Variants in KIRREL1 observed in about 807,000 individuals in gnomAD.
KIRREL1 encodes the protein kirre like nephrin family adhesion molecule 1.
In KIRREL1, 25 loss-of-function variants were observed where a neutral mutation model predicts 83.3. The ratio of observed to expected loss-of-function variants is 0.30; its 90% CI spans 0.22 to 0.42. The LOEUF (loss-of-function observed/expected upper bound fraction) is 0.42. Among genes scored for constraint, KIRREL1 ranks in the 10% least tolerant of loss-of-function variants. KIRREL1 has a pLI of 1.00. For synonymous variants in KIRREL1, 388 were observed against 410.4 expected (o/e 0.95, Z 0.66); for missense variants, 812 against 1,032.3 (o/e 0.79, Z 2.92).
intron 1 of KIRREL1, among the ~76,000 whole-genome samples, chr1:158,030,065 A>T (rs1385219833): frequency 1.3e-5 from 2 of 152,090 alleles, no homozygotes; most frequent in East Asian, 3.9e-4. Flanking sequence ...AGGGTTTTTG[A>T]TTTTTATTTC....
chr1:158,039,253 G>A (rs968672231), intron 1 of KIRREL1, among the ~76,000 whole-genome samples: 4 of 152,202 alleles, frequency 2.6e-5, no homozygotes, highest in Non-Finnish European at 2.9e-5. Flanking sequence ...ACGAAGAGGA[G>A]CCCTGACTGC....
chr1:158,009,408 G>C, intron 1 of KIRREL1, among the ~76,000 whole-genome samples: 1 of 152,232 alleles, frequency 6.6e-6, no homozygotes. Context: ...ACTGGTGACA[G>C]TATATGCAAA....
chr1:158,033,676 C>T (rs1232396168), intron 1 of KIRREL1, among the ~76,000 whole-genome samples: 1 of 152,110 alleles, frequency 6.6e-6, no homozygotes, highest in Admixed American at 6.6e-5. Context: ...GCTAACATTT[C>T]AAAGATAGAA....
At position 158,096,325 on chromosome 1, in the gene KIRREL1, C is replaced by A. The variant is rs1662354313; in HGVS notation, c.*1205C>A. The stretch of plus-strand genomic sequence containing the variant: ...TATGTCCCATCAGTTGGTTGGAGGC[C>A]ACCTTCCAGGGGGTATGGGAGACAG... On this transcript the variant is annotated 3_prime_UTR_variant, in exon 15 of 15. Transcript: ENST00000359209. The A allele has an allele frequency of 5.8e-6, 2 of 346,986 alleles. No individual in the cohort carries two copies. Among genetic ancestry groups the A allele is most frequent in the African/African-American group, 2.1e-5 (1 of 46,536 alleles). The allele number at this position is 346,986 out of a possible 1,614,324, so 21.5% of individuals were successfully genotyped here.
chr1:158,065,014 G>A (rs564902351), intron 1 of KIRREL1, among the ~76,000 whole-genome samples: 2 of 149,822 alleles, frequency 1.3e-5, no homozygotes, highest in East Asian at 4.0e-4. Flanking sequence ...GCATAGAAAT[G>A]TAATAAAGCT....
At chr1:158,057,916 CCTT>C (rs1661109442) in intron 1 of KIRREL1, among the ~76,000 whole-genome samples, 1 of 152,214 alleles carries the variant, frequency 6.6e-6, no homozygotes, top group South Asian at 2.1e-4. Flanking sequence ...CTTTCTCTAA[CCTT>C]CTTTGATGAC....
intron 1 of KIRREL1, among the ~76,000 whole-genome samples, chr1:158,032,984 A>G (rs921396013): frequency 1.4e-4 from 22 of 151,800 alleles, no homozygotes; most frequent in Admixed American, 1.4e-3. Context: ...TTGGCCAGGC[A>G]GGTCTCGAAC....
chr1:158,037,343 A>C (rs1660505151), intron 1 of KIRREL1, among the ~76,000 whole-genome samples: 1 of 152,098 alleles, frequency 6.6e-6, no homozygotes. Context: ...AAATACAAAA[A>C]TTAGCTGGGC....
chr1:158,096,443 C>A lies in KIRREL1; in HGVS notation c.*1323C>A, dbSNP rs114092836. On this transcript the variant is annotated 3_prime_UTR_variant, in exon 15 of 15. Coordinates refer to ENST00000359209, the MANE Select transcript of KIRREL1 (RefSeq NM_018240.7). ...CCTTGAGTGTCAAGCTTTGGATGAC[C>A]GACCCTATGTGGGCGGTTGTGTGGG... 2 of 371,038 alleles carry A rather than the reference C, an allele frequency of 5.4e-6. No individual in the cohort carries two copies. The highest frequency in any genetic ancestry group is 4.0e-5 in the South Asian group (2 of 49,748). 23.0% of individuals were successfully genotyped at this position (371,038 alleles called of 1,614,324 possible).
chr1:158,007,051 A>G (rs2101629793), intron 1 of KIRREL1, among the ~76,000 whole-genome samples: 1 of 152,184 alleles, frequency 6.6e-6, no homozygotes, highest in Non-Finnish European at 1.5e-5. Context: ...CTGATGAAGG[A>G]GTGTGGGCAT....
Position 158,093,438 on chromosome 1 carries a change from G to A in KIRREL1, c.1571G>A (p.Arg524His), listed in dbSNP as rs754743295. The A allele has an allele frequency of 1.9e-5, 30 of 1,613,908 alleles. No homozygotes were observed. The highest frequency in any genetic ancestry group is 5.0e-5 in the Admixed American group (3 of 59,998). The change falls in exon 12 of 15, where the codon CGC becomes CAC. Residue 524 changes from arginine to histidine, a missense_variant. Coordinates refer to ENST00000359209, the MANE Select transcript of KIRREL1 (RefSeq NM_018240.7). Reference sequence around the variant, plus strand: ...TTGGTATTCTTCCTCTACCGGCGCCGCAAAGGCAGTGAGTATGGGCCCTGT... The same window carrying A: ...TTGGTATTCTTCCTCTACCGGCGCCACAAAGGCAGTGAGTATGGGCCCTGT... ...IALVFFLYRR[R>H]KGSRKDVTLR... is the part of the protein sequence containing the mutation.
intron 1 of KIRREL1, among the ~76,000 whole-genome samples, chr1:158,060,448 T>C (rs1661184876): frequency 6.6e-6 from 1 of 152,196 alleles, no homozygotes; most frequent in Admixed American, 6.5e-5. Flanking sequence ...GTTCTGCTTA[T>C]TACTCTCTCT....
At chr1:158,016,229 T>C (rs7514059) in intron 1 of KIRREL1, among the ~76,000 whole-genome samples, 8 of 151,716 alleles carry the variant, frequency 5.3e-5, no homozygotes, top group Non-Finnish European at 8.8e-5. Context: ...TTGTGAACCC[T>C]GTAGGCAGAG....
intron 1 of KIRREL1, among the ~76,000 whole-genome samples, chr1:157,998,388 AT>A (rs1379716884): frequency 6.6e-6 from 1 of 152,222 alleles, no homozygotes; most frequent in Non-Finnish European, 1.5e-5. Flanking sequence ...TTAAAAAACA[AT>A]CCTTTATTCT....
intron 6 of KIRREL1, 62 bp from the exon 7 acceptor site, chr1:158,087,944 T>G: frequency 6.2e-7 from 1 of 1,610,114 alleles, no homozygotes; most frequent in Non-Finnish European, 8.5e-7. Flanking sequence ...AGGCCAGGTG[T>G]CATGGATGTA....
chr1:158,078,091 G>A lies in KIRREL1; in HGVS notation c.303G>A (p.Gln101=). The A allele has an allele frequency of 6.2e-7, 1 of 1,614,124 alleles. No homozygotes were observed. Among genetic ancestry groups the A allele is most frequent in the Non-Finnish European group, 8.5e-7 (1 of 1,180,022 alleles). The change falls in exon 3 of 15, where the codon CAG becomes CAA. Residue 101 remains glutamine, a synonymous_variant. Transcript: ENST00000359209. The part of the protein sequence containing the change: ...ELSDDASYEC[Q]ATEAALRSRR... ...CTGACGACGCCTCTTACGAGTGCCA[G>A]GCCACGGAGGCCGCCCTGCGCTCTC...
chr1:158,073,723 C>A (rs1661587055), intron 1 of KIRREL1, among the ~76,000 whole-genome samples: 1 of 152,192 alleles, frequency 6.6e-6, no homozygotes, highest in Non-Finnish European at 1.5e-5. Flanking sequence ...TTGACACACC[C>A]AAGGTCACAC....
chr1:158,099,475 GAT>G lies in KIRREL1; in HGVS notation c.*4356_*4357del, dbSNP rs925463394. 5 of 152,220 alleles carry G rather than the reference GAT, an allele frequency of 3.3e-5. No homozygotes were observed. Among genetic ancestry groups the G allele is most frequent in the Non-Finnish European group, 7.3e-5 (5 of 68,066 alleles). 9.4% of individuals were successfully genotyped at this position (152,220 alleles called of 1,614,324 possible). Reference sequence around the variant, plus strand: ...TCTGGGCTGCTGGAGAGGACTGAGAGATGTGTGGTTTGGTAGGAAGGGGGTGT... The same window carrying G: ...TCTGGGCTGCTGGAGAGGACTGAGAGGTGTGGTTTGGTAGGAAGGGGGTGT... On this transcript the variant is annotated 3_prime_UTR_variant, in exon 15 of 15. Coordinates refer to ENST00000359209, the MANE Select transcript of KIRREL1 (RefSeq NM_018240.7).
At chr1:158,054,425 T>A (rs190402383) in intron 1 of KIRREL1, among the ~76,000 whole-genome samples, 2 of 152,158 alleles carry the variant, frequency 1.3e-5, no homozygotes, top group Admixed American at 1.3e-4. Flanking sequence ...TTTTTTATTA[T>A]CCCAAACAGC....
Sources: allele counts gnomAD v4.1 joint callset (sites outside exome capture counted in the v4.1 genomes callset), GRCh38; gene constraint gnomAD v4.1.1; transcripts MANE v1.5; gene names NCBI Gene and HGNC (gene_info 2026-07-23, HGNC 2026-07-21).